The following TRIM72 variants were observed in gnomAD, a reference collection of about 807,000 sequenced individuals.
TRIM72 encodes tripartite motif-containing protein 72.
In TRIM72, 33 loss-of-function variants were observed where a neutral mutation model predicts 31.6. The observed-to-expected ratio is 1.04, with a 90% CI of 0.79 to 1.40. The LOEUF is 1.40. Among genes scored for constraint, TRIM72 ranks in the 40% most tolerant of loss-of-function variants. TRIM72 has a pLI of 0.00. For synonymous variants in TRIM72, 301 were observed against 314.4 expected, an observed-to-expected ratio of 0.96 and a Z score of 0.45; for missense variants, 666 against 682.7, an observed-to-expected ratio of 0.98 and a Z score of 0.27.
chr16:31,219,366 C>T lies in TRIM72; in HGVS notation c.564C>T (p.Gly188=). ...GGGTGTTCCTGGCTGCACTGGAGGG[C>T]TCCTTGGACCGCGAGGCAGAGCGTG... is the stretch of plus-strand genomic sequence containing the variant. ...KMRVFLAALE[G]SLDREAERVR... is the part of the protein sequence containing the mutation. Residue 188 remains glycine, a synonymous_variant, in exon 4 of 7, where the codon GGC becomes GGT. Transcript: ENST00000322122. The surrounding 1 kb of genome is among the most constrained non-coding windows in gnomAD (Gnocchi z 4.2). 3 of 1,614,154 alleles carry T rather than the reference C, an allele frequency of 1.9e-6. No homozygotes were observed. The highest frequency in any genetic ancestry group is 2.5e-6 in the Non-Finnish European group (3 of 1,180,030).
rs2079540728 is a variant in TRIM72 at position 31,222,946 on chromosome 16, G to C, written c.859+1G>C. On this transcript the variant is annotated splice_donor_variant, in intron 6 of 6. Transcript: ENST00000322122. LOFTEE classifies it high-confidence loss of function. ...AAGATGTTCCGGGCTCTGATGCCAG[G>C]TACCGGGAGGGACTGGCTCAGGTTT... The C allele has an allele frequency of 6.3e-7, 1 of 1,578,942 alleles. No individual in the cohort carries two copies. The highest frequency in any genetic ancestry group is 8.6e-7 in the Non-Finnish European group (1 of 1,163,204).
At chr16:31,221,605 TTGGGAGAAGGGCATTGC>T (rs1245987666) in intron 5 of TRIM72, among the ~76,000 whole-genome samples, 29 of 102,078 alleles carry the variant, frequency 2.8e-4, no homozygotes, top group African/African-American at 6.7e-4. Flanking sequence ...GAGAAGGGCA[TTGGGAGAAGGGCATTGC>T]TGGGAGAAGG....
intron 2 of TRIM72, among the ~76,000 whole-genome samples, chr16:31,217,796 G>A (rs1027201715): frequency 1.3e-5 from 2 of 152,086 alleles, no homozygotes; most frequent in African/African-American, 2.4e-5. Flanking sequence ...TGTATTTTTA[G>A]TAGAAATGGG....
rs2079524356 is a variant in TRIM72 at position 31,219,464 on chromosome 16, A to T, written c.662A>T (p.Gln221Leu). Reference sequence around the variant, plus strand: ...AACTCTTACCTGGAGCAGCTGCGGCAGATGGAGAAGGTCCTGGAGGAGGTG... The same window carrying T: ...AACTCTTACCTGGAGCAGCTGCGGCTGATGGAGAAGGTCCTGGAGGAGGTG... ...SLNSYLEQLR[Q>L]MEKVLEEVAD... Residue 221 changes from glutamine (Q) to leucine (L), a missense_variant, in exon 4 of 7, where the codon CAG becomes CTG. Physicochemically the swap from Gln to Leu is moderately radical, Grantham distance 113. Transcript: ENST00000322122. This position sits in a 1 kb window ranked among gnomAD's most constrained non-coding sequence, Gnocchi z 4.2. 2 of 1,612,066 alleles carry T rather than the reference A, an allele frequency of 1.2e-6. No individual in the cohort carries two copies. Among genetic ancestry groups the T allele is most frequent in the Admixed American group, 1.7e-5 (1 of 59,212 alleles).
In TRIM72 at chr16:31,228,599, T is replaced by C. The variant is rs1277971795; in HGVS notation, c.*3844T>C. On this transcript the variant is annotated 3_prime_UTR_variant, in exon 7 of 7. Coordinates refer to ENST00000322122, the MANE Select transcript of TRIM72 (RefSeq NM_001008274.4). ...TTTTTTTTTTTTTTTTGAGATGCAG[T>C]CTTGCTCTGTCGCCCAGGCTGGAGT... 1 of 149,732 alleles carries C rather than the reference T, an allele frequency of 6.7e-6. No homozygotes were observed. Among genetic ancestry groups the C allele is most frequent in the Non-Finnish European group, 1.5e-5 (1 of 68,922 alleles). 9.3% of individuals were successfully genotyped at this position (149,732 alleles called of 1,614,324 possible).
chr16:31,215,113 C>T lies in TRIM72; in HGVS notation c.375C>T (p.Ala125=), dbSNP rs553041719. Residue 125 remains alanine (A), a synonymous_variant, in exon 2 of 7, where the codon GCC becomes GCT. Transcript: ENST00000322122. The surrounding 1 kb of genome is among the most constrained non-coding windows in gnomAD (Gnocchi z 6.3). Reference sequence around the variant, plus strand: ...ATCGCCTCCTGCCTGCCGCCGAGGCCCACGCACGCCTCAAGGTGCGGGATC... The same window carrying T: ...ATCGCCTCCTGCCTGCCGCCGAGGCTCACGCACGCCTCAAGGTGCGGGATC... ...RGHRLLPAAE[A]HARLKTQLPQ... 3 of 1,444,954 alleles carry T rather than the reference C, an allele frequency of 2.1e-6. No individual in the cohort carries two copies. The highest frequency in any genetic ancestry group is 2.7e-5 in the Admixed American group (1 of 37,070). 89.5% of individuals were successfully genotyped at this position (1,444,954 alleles called of 1,614,324 possible). A position where few individuals can be genotyped will look rare whatever the true frequency, so the allele number is the denominator to read the frequency against.
intron 6 of TRIM72, 95 bp downstream of exon 6, chr16:31,223,040 G>A: frequency 1.1e-6 from 1 of 896,638 alleles, no homozygotes; most frequent in Non-Finnish European, 1.8e-6. Context: ...CAACTGGGGA[G>A]GCCACTGAAG....
chr16:31,220,745 A>G (rs2144194847), intron 4 of TRIM72, 151 bp from the exon 5 acceptor site: 4 of 1,008,612 alleles, frequency 4.0e-6, no homozygotes, highest in South Asian at 1.4e-5. Context: ...TGTTGAGATT[A>G]CAGGCATGAG....
chr16:31,225,040 A>C lies in TRIM72; in HGVS notation c.*285A>C. ...ACTCCTCTCTACTGAAAATACAAAAATGAGCTGGGCGCGGTGGCATACGCC... is the reference window on the plus strand; with the variant it reads ...ACTCCTCTCTACTGAAAATACAAAACTGAGCTGGGCGCGGTGGCATACGCC... On this transcript the variant is annotated 3_prime_UTR_variant, in exon 7 of 7. Coordinates refer to ENST00000322122, the MANE Select transcript of TRIM72 (RefSeq NM_001008274.4). The C allele has an allele frequency of 3.5e-5, 9 of 259,344 alleles. No homozygotes were observed. The highest frequency in any genetic ancestry group is 7.4e-5 in the East Asian group (1 of 13,484). The allele number at this position is 259,344 out of a possible 1,614,324, so 16.1% of individuals were successfully genotyped here. A position where few individuals can be genotyped will look rare whatever the true frequency, so the allele number is the denominator to read the frequency against.
At position 31,224,627 on chromosome 16, in the gene TRIM72, G is replaced by C. The variant is rs2079548328; in HGVS notation, c.1306G>C (p.Val436Leu). Reference sequence around the variant, plus strand: ...CGATGCCAGCGACGCCGACGCGCTCGTGCCGCTTTTTGCCTTCCACGAGCG... The same window carrying C: ...CGATGCCAGCGACGCCGACGCGCTCCTGCCGCTTTTTGCCTTCCACGAGCG... ...FYDASDADAL[V>L]PLFAFHERLP... The change falls in exon 7 of 7, where the codon GTG becomes CTG. Residue 436 changes from valine to leucine, a missense_variant. Physicochemically the swap from Val to Leu is conservative, Grantham distance 32. Coordinates refer to ENST00000322122, the MANE Select transcript of TRIM72 (RefSeq NM_001008274.4). The C allele has an allele frequency of 2.6e-6, 4 of 1,549,678 alleles. No individual in the cohort carries two copies. In the South Asian group the frequency reaches 4.7e-5, roughly 18 times the overall value.
intron 4 of TRIM72, 64 bp from the exon 5 acceptor site, chr16:31,220,832 C>A: frequency 6.2e-7 from 1 of 1,604,686 alleles, no homozygotes; most frequent in South Asian, 1.1e-5. Context: ...TCTACCCCAT[C>A]CTCAAAAGTT....
Position 31,214,787 on chromosome 16 carries a change from T to G in TRIM72, c.49T>G (p.Cys17Gly). The G allele has an allele frequency of 6.3e-7, 1 of 1,581,396 alleles. No individual in the cohort carries two copies. The highest frequency in any genetic ancestry group is 8.5e-7 in the Non-Finnish European group (1 of 1,173,282). Reference protein sequence around the residue: ...LLHQELSCPLCLQLFDAPVTA... With the variant: ...LLHQELSCPLGLQLFDAPVTA... The stretch of plus-strand genomic sequence containing the variant: ...GCACCAGGAGCTGTCCTGCCCGCTG[T>G]GCCTGCAGCTGTTCGACGCGCCCGT... Residue 17 changes from cysteine to glycine, a missense_variant, in exon 2 of 7, where the codon TGC becomes GGC. Physicochemically the swap from Cys to Gly is radical, Grantham distance 159. Coordinates refer to ENST00000322122, the MANE Select transcript of TRIM72 (RefSeq NM_001008274.4).
chr16:31,216,266 T>G lies in TRIM72; in HGVS notation c.390+1138T>G, dbSNP rs1032552800. On this transcript the variant is annotated intron_variant, in intron 2 of 6. Coordinates refer to ENST00000322122, the MANE Select transcript of TRIM72 (RefSeq NM_001008274.4). The surrounding 1 kb of genome is among the most constrained non-coding windows in gnomAD (Gnocchi z 6.7). ...CCCAGTTCAGCCCAGTCCTAGCTGG[T>G]GGTCTCCTAGCTCAGGGCAGGAGCC... The G allele has an allele frequency of 6.5e-6, 1 of 154,384 alleles. No homozygotes were observed. Among genetic ancestry groups the G allele is most frequent in the African/African-American group, 2.4e-5 (1 of 41,442 alleles). 9.6% of individuals were successfully genotyped at this position (154,384 alleles called of 1,614,324 possible). A position where few individuals can be genotyped will look rare whatever the true frequency, so the allele number is the denominator to read the frequency against.
At position 31,219,886 on chromosome 16, in the gene TRIM72, C is replaced by A. The variant is rs948805498; in HGVS notation, c.717+367C>A. 6.6e-6 allele frequency among the ~76,000 whole-genome samples: 1 copy of A among 151,576 alleles called. No homozygotes were observed. Among genetic ancestry groups the A allele is most frequent in the Non-Finnish European group, 1.5e-5 (1 of 67,954 alleles). ...CATGCTATTCTCCTGCCTCAGCCTCCCGAGTAGCTGGGACTACAGGCACCC... is the reference window on the plus strand; with the variant it reads ...CATGCTATTCTCCTGCCTCAGCCTCACGAGTAGCTGGGACTACAGGCACCC... On this transcript the variant is annotated intron_variant, in intron 4 of 6. Transcript: ENST00000322122. This position sits in a 1 kb window ranked among gnomAD's most constrained non-coding sequence, Gnocchi z 4.2.
intron 2 of TRIM72, chr16:31,217,132 G>T: frequency 8.0e-7 from 1 of 1,254,002 alleles, no homozygotes; most frequent in Non-Finnish European, 1.1e-6. Context: ...CCGGGAAGGA[G>T]ACTGATCTGG....
chr16:31,217,382 T>C, intron 2 of TRIM72: 1 of 229,272 alleles, frequency 4.4e-6, no homozygotes, highest in South Asian at 1.1e-4. Flanking sequence ...TTGCTCATGC[T>C]TGTAGTGCCA....
Position 31,224,247 on chromosome 16 carries a change from G to T in TRIM72, c.926G>T (p.Arg309Leu). The change falls in exon 7 of 7, where the codon CGC becomes CTC. Residue 309 changes from arginine (R) to leucine (L), a missense_variant. Physicochemically the swap from Arg to Leu is moderately radical, Grantham distance 102. Coordinates refer to ENST00000322122, the MANE Select transcript of TRIM72 (RefSeq NM_001008274.4). ...AGCCTGGTGGTGTCTTCCTCTGGCCGCCGCGTGGAGTGCTCGGAGCAGAAG... is the reference window on the plus strand; with the variant it reads ...AGCCTGGTGGTGTCTTCCTCTGGCCTCCGCGTGGAGTGCTCGGAGCAGAAG... ...HPSLVVSSSG[R>L]RVECSEQKAP... is the part of the protein sequence containing the mutation. The T allele has an allele frequency of 6.2e-7, 1 of 1,604,892 alleles. No individual in the cohort carries two copies. Among genetic ancestry groups the T allele is most frequent in the South Asian group, 1.1e-5 (1 of 91,032 alleles).
chr16:31,224,087 G>A, intron 6 of TRIM72, 94 bp from the exon 7 acceptor site: 3 of 1,415,384 alleles, frequency 2.1e-6, no homozygotes, highest in South Asian at 1.3e-5. Flanking sequence ...GATGCCAAGA[G>A]GATTAGGGGA....
In TRIM72 at chr16:31,224,743, C is replaced by T. The variant is rs768473425; in HGVS notation, c.1422C>T (p.Gly474=). 31 of 1,494,218 alleles carry T rather than the reference C, an allele frequency of 2.1e-5. No individual in the cohort carries two copies. Among genetic ancestry groups the T allele is most frequent in the East Asian group, 1.5e-4 (6 of 38,752 alleles). The allele number at this position is 1,494,218 out of a possible 1,614,324, so 92.6% of individuals were successfully genotyped here. A position where few individuals can be genotyped will look rare whatever the true frequency, so the allele number is the denominator to read the frequency against. Residue 474 remains glycine (G), a synonymous_variant, in exon 7 of 7, where the codon GGC becomes GGT. Coordinates refer to ENST00000322122, the MANE Select transcript of TRIM72 (RefSeq NM_001008274.4). ...CGCTGCTGCTCGTGGGTCCCGAAGG[C>T]GCCGAGGCCTGAGCCGCCGGACGGG... ...AQPLLLVGPE[G]AEA
Sources: allele counts gnomAD v4.1 joint callset (sites outside exome capture counted in the v4.1 genomes callset), GRCh38; gene constraint gnomAD v4.1.1; non-coding constraint Gnocchi (gnomAD v3.1); transcripts MANE v1.5; gene names NCBI Gene and HGNC (gene_info 2026-07-23, HGNC 2026-07-21).